Variants in FMN2 observed in about 807,000 individuals in gnomAD.
The protein encoded by FMN2 is formin 2.
A neutral mutation model predicts 142.3 loss-of-function variants in FMN2; 51 were observed. That is an observed-to-expected ratio of 0.36 (90% CI 0.29 to 0.45). The LOEUF is 0.45. FMN2 is among the 20% of genes least tolerant of loss of function. FMN2 has a pLI of 1.00. For missense variants in FMN2, 1,936 were observed against 2,122.8 expected (o/e 0.91, Z 1.73); for synonymous variants, 882 against 869.8 (o/e 1.01, Z -0.25).
At chr1:240,294,324 A>C (rs998399438) in intron 7 of FMN2, among the ~76,000 whole-genome samples, 1 of 152,216 alleles carries the variant, frequency 6.6e-6, no homozygotes, top group African/African-American at 2.4e-5. Context: ...AATATAAAAG[A>C]TTCATCCTTT....
At chr1:240,171,163 G>A in intron 2 of FMN2, 1 of 933,188 alleles carries the variant, frequency 1.1e-6, no homozygotes, top group Non-Finnish European at 1.8e-6. Flanking sequence ...CCCAAAGTTG[G>A]TATCTGAATA....
chr1:240,207,421 T>C lies in FMN2; in HGVS notation c.2609T>C (p.Met870Thr), dbSNP rs1425967506. ...PLPCTESSSS[M>T]PGLGMVPPPP... ...CCTTGCACAGAGTCCTCCAGCTCCA[T>C]GCCTGGCCTGGGCATGGTGCCTCCC... Residue 870 changes from methionine to threonine, a missense_variant, in exon 5 of 18, where the codon ATG becomes ACG. Around this residue, in one of 8 missense-constraint regions of FMN2, gnomAD observed 478 missense variants for 462.8 expected, o/e 1.03. Coordinates refer to ENST00000319653, the MANE Select transcript of FMN2 (RefSeq NM_020066.5). 1 of 1,613,784 alleles carries C rather than the reference T, an allele frequency of 6.2e-7. No homozygotes were observed. Among genetic ancestry groups the C allele is most frequent in the Non-Finnish European group, 8.5e-7 (1 of 1,179,862 alleles).
At chr1:240,374,605 C>T (rs1477289601) in intron 14 of FMN2, among the ~76,000 whole-genome samples, 1 of 152,174 alleles carries the variant, frequency 6.6e-6, no homozygotes, top group South Asian at 2.1e-4. Context: ...ATAGCTTCCT[C>T]GCCTCTCTTA....
At chr1:240,197,989 A>C (rs2103365870) in intron 4 of FMN2, among the ~76,000 whole-genome samples, 1 of 152,246 alleles carries the variant, frequency 6.6e-6, no homozygotes, top group South Asian at 2.1e-4. Context: ...TTCTTGAAAA[A>C]ACAAACACCA....
chr1:240,209,583 T>C (rs1448320549), intron 5 of FMN2, among the ~76,000 whole-genome samples: 1 of 150,734 alleles, frequency 6.6e-6, no homozygotes, highest in Non-Finnish European at 1.5e-5. Context: ...AAACTGACTC[T>C]GGAGCATGAT....
intron 1 of FMN2, among the ~76,000 whole-genome samples, chr1:240,119,260 C>T (rs560987591): frequency 1.3e-5 from 2 of 148,340 alleles, no homozygotes; most frequent in South Asian, 2.1e-4. Flanking sequence ...ACCTGGGAGG[C>T]GGAGGTTGCA....
At chr1:240,301,857 C>T (rs936249266) in intron 8 of FMN2, among the ~76,000 whole-genome samples, 3 of 151,636 alleles carry the variant, frequency 2.0e-5, no homozygotes, top group Non-Finnish European at 4.4e-5. Context: ...TTCTTGTATT[C>T]TGATTGAGTT....
intron 2 of FMN2, chr1:240,144,471 C>T: frequency 6.4e-7 from 1 of 1,561,570 alleles, no homozygotes; most frequent in Non-Finnish European, 8.8e-7. Context: ...TCCAGGAACA[C>T]CCCATGCCAG....
At chr1:240,428,516 T>C (rs79664985) in intron 15 of FMN2, among the ~76,000 whole-genome samples, 1 of 152,318 alleles carries the variant, frequency 6.6e-6, no homozygotes, top group African/African-American at 2.4e-5. Flanking sequence ...CATGAGCCAC[T>C]GCACCTGGCT....
intron 1 of FMN2, among the ~76,000 whole-genome samples, chr1:240,122,058 T>G (rs1258353507): frequency 2.3e-5 from 3 of 128,396 alleles, no homozygotes; most frequent in East Asian, 4.2e-4. Flanking sequence ...GCCTTTTGGA[T>G]CCAAAATTAA....
At chr1:240,105,955 G>A (rs1343106626) in intron 1 of FMN2, among the ~76,000 whole-genome samples, 1 of 151,966 alleles carries the variant, frequency 6.6e-6, no homozygotes, top group African/African-American at 2.4e-5. Flanking sequence ...ATTAAATATG[G>A]TAAGTTTTTG....
rs542912359 is a variant in FMN2 at position 240,328,977 on chromosome 1, C to T, written c.4216-99C>T. On this transcript the variant is annotated intron_variant, in intron 8 of 17. Coordinates refer to ENST00000319653, the MANE Select transcript of FMN2 (RefSeq NM_020066.5). ...AAACATGAAAATATATAGCGTTTCG[C>T]TGTATTCAGATCAGCAAATTTATCA... 1.5e-4 allele frequency: 147 copies of T among 989,564 alleles called. 2 individuals are homozygous for T. In the South Asian group the frequency reaches 2.1e-3, roughly 14 times the overall value. 61.3% of individuals were successfully genotyped at this position (989,564 alleles called of 1,614,324 possible). A position where few individuals can be genotyped will look rare whatever the true frequency, so the allele number is the denominator to read the frequency against.
intron 2 of FMN2, among the ~76,000 whole-genome samples, chr1:240,129,505 CTT>C (rs35446628): frequency 4.9e-5 from 6 of 121,968 alleles, no homozygotes; most frequent in Non-Finnish European, 5.1e-5. Flanking sequence ...CTGCTGATGC[CTT>C]TTTTTTTTTT....
chr1:240,461,227 A>C (rs556246677), intron 16 of FMN2, among the ~76,000 whole-genome samples: 143 of 152,310 alleles, frequency 9.4e-4, no homozygotes, highest in African/African-American at 3.3e-3. Flanking sequence ...AACTACTACA[A>C]GTCTGCCACA....
chr1:240,428,010 A>G (rs1454400662), intron 15 of FMN2, among the ~76,000 whole-genome samples: 1 of 152,156 alleles, frequency 6.6e-6, no homozygotes, highest in East Asian at 1.9e-4. Flanking sequence ...CTTATTTGGC[A>G]TAGAGTTATT....
Position 240,165,662 on chromosome 1 carries a change from G to A in FMN2, c.1783-12259G>A, listed in dbSNP as rs577360518. On this transcript the variant is annotated intron_variant, in intron 2 of 17. Coordinates refer to ENST00000319653, the MANE Select transcript of FMN2 (RefSeq NM_020066.5). ...TTTTTTTATTTTATGCTGTGCAAATGCTTAGTTTGATCTCATCTTTTCCCA... is the reference window on the plus strand; with the variant it reads ...TTTTTTTATTTTATGCTGTGCAAATACTTAGTTTGATCTCATCTTTTCCCA... Among the ~76,000 whole-genome samples, 4 of 150,222 alleles carry A rather than the reference G, an allele frequency of 2.7e-5. No individual in the cohort carries two copies. In the South Asian group the frequency reaches 8.5e-4, roughly 32 times the overall value.
intron 1 of FMN2, among the ~76,000 whole-genome samples, chr1:240,093,953 G>A (rs1661109887): frequency 1.3e-5 from 2 of 152,228 alleles, no homozygotes; most frequent in South Asian, 2.1e-4. Context: ...GAACAACTTA[G>A]TTGTGTCTGT....
Position 240,092,722 on chromosome 1 carries a change from C to T in FMN2, c.613C>T (p.Leu205=), listed in dbSNP as rs2103156797. The T allele has an allele frequency of 1.2e-6, 2 of 1,613,502 alleles. No individual in the cohort carries two copies. Among genetic ancestry groups the T allele is most frequent in the Middle Eastern group, 3.3e-4 (2 of 6,060 alleles). ...TTCAGACATCCAGCAGGCGATCCGCCTGCAGCAGCAGCAGCAGCAGCAGCT... is the reference window on the plus strand; with the variant it reads ...TTCAGACATCCAGCAGGCGATCCGCTTGCAGCAGCAGCAGCAGCAGCAGCT... ...LLSDIQQAIR[L]QQQQQQQLQL... Residue 205 remains leucine, a synonymous_variant, in exon 1 of 18, where the codon CTG becomes TTG. Transcript: ENST00000319653.
rs1402687038 is a variant in FMN2 at position 240,254,479 on chromosome 1, C to A, written c.4066-3466C>A. ...ATGGGTTTTAACATGGTTAAATGGT[C>A]CTGTTCTCTGGCCCCTAGGTGGTAC... On this transcript the variant is annotated intron_variant, in intron 6 of 17. Transcript: ENST00000319653. 3.3e-5 allele frequency among the ~76,000 whole-genome samples: 5 copies of A among 151,830 alleles called. No homozygotes were observed. In the East Asian group the frequency reaches 9.7e-4, roughly 30 times the overall value.
Sources: gnomAD v4.1 joint callset for allele counts (sites outside exome capture counted in the v4.1 genomes callset) on GRCh38, gnomAD v4.1.1 for gene constraint, gnomAD v4.1.1 regional missense constraint, MANE v1.5 for transcripts, NCBI Gene and HGNC (gene_info 2026-07-23, HGNC 2026-07-21) for gene names.